Variants in TMEM273 observed in about 807,000 individuals in gnomAD.
The protein encoded by TMEM273 is chromosome 10 open reading frame 128.
Under a neutral mutation model 17.9 loss-of-function variants are expected in TMEM273, and 19 were observed. That is an observed-to-expected ratio of 1.06 (90% confidence interval 0.74 to 1.55). TMEM273 has a LOEUF of 1.55. Ranked by LOEUF, TMEM273 falls within the 40% of genes most tolerant of loss-of-function variation. The probability of loss-of-function intolerance (pLI) is 0.00; values close to 1 mark genes in which losing one functional copy is unlikely to be tolerated. For missense variants in TMEM273, 194 were observed against 155.6 expected (o/e 1.25, Z -1.31); for synonymous variants, 66 against 62.0 (o/e 1.07, Z -0.31).
chr10:49,163,933 C>T (rs530667303), intron 5 of TMEM273, among the ~76,000 whole-genome samples: 1 of 152,260 alleles, frequency 6.6e-6, no homozygotes, highest in African/African-American at 2.4e-5. Context: ...CACAATGCAC[C>T]ATGCGTTCAT....
Position 49,166,850 on chromosome 10 carries a change from C to A in TMEM273, c.238+19G>T. 2 of 1,612,748 alleles carry A rather than the reference C, an allele frequency of 1.2e-6. No homozygotes were observed. Among genetic ancestry groups the A allele is most frequent in the Admixed American group, 3.3e-5 (2 of 60,024 alleles). On this transcript the variant is annotated intron_variant, in intron 3 of 6. Coordinates refer to ENST00000374153, the MANE Select transcript of TMEM273 (RefSeq NM_001288740.3). The stretch of plus-strand genomic sequence containing the variant: ...TCGCTGGGTGGGGCAGAGCCAGGCC[C>A]GAGCACCACATCCCTCACCACTGAG...
intron 6 of TMEM273, among the ~76,000 whole-genome samples, chr10:49,157,139 C>A (rs1845559993): frequency 6.6e-6 from 1 of 152,106 alleles, no homozygotes; most frequent in Admixed American, 6.5e-5. Context: ...ATATCAATGC[C>A]CAGAGTAGAT....
At chr10:49,174,994 C>T (rs1590227949) in intron 1 of TMEM273, among the ~76,000 whole-genome samples, 2 of 152,060 alleles carry the variant, frequency 1.3e-5, no homozygotes, top group South Asian at 4.2e-4. Context: ...GTCACAGAAG[C>T]TCCCCCGGAG....
intron 1 of TMEM273, among the ~76,000 whole-genome samples, chr10:49,175,712 GC>G (rs961052157): frequency 5.9e-5 from 9 of 151,940 alleles, no homozygotes; most frequent in East Asian, 1.9e-4. Flanking sequence ...AGGGGGCAGG[GC>G]CCCCCCCACC....
At chr10:49,159,922 C>T (rs952790611) in intron 6 of TMEM273, among the ~76,000 whole-genome samples, 15 of 151,914 alleles carry the variant, frequency 9.9e-5, no homozygotes, top group Non-Finnish European at 1.5e-4. Context: ...AAATTTGCAA[C>T]AATTTGGGCT....
At chr10:49,170,821 G>T (rs1846514115) in intron 1 of TMEM273, among the ~76,000 whole-genome samples, 1 of 152,124 alleles carries the variant, frequency 6.6e-6, no homozygotes, top group African/African-American at 2.4e-5. Context: ...CAGCACAGCA[G>T]CCTGGCCGGC....
At chr10:49,167,989 G>T (rs963781163) in intron 1 of TMEM273, 27 bp from the exon 2 acceptor site, 11 of 1,613,620 alleles carry the variant, frequency 6.8e-6, no homozygotes, top group South Asian at 3.3e-5. Flanking sequence ...CCCAGAGCCT[G>T]GTTAGAACAG....
At chr10:49,156,342 G>A in intron 6 of TMEM273, 1 of 1,197,388 alleles carries the variant, frequency 8.4e-7, no homozygotes, top group South Asian at 1.3e-5. Context: ...CTGTTACAGA[G>A]GGTGAGACTT....
chr10:49,163,302 T>TGA (rs1177108160), intron 5 of TMEM273, among the ~76,000 whole-genome samples: 24 of 140,944 alleles, frequency 1.7e-4, no homozygotes, highest in African/African-American at 2.6e-4. Flanking sequence ...TGTGTGTGTG[T>TGA]GTGTGAGAGA....
chr10:49,156,056 T>C (rs1845486146), intron 6 of TMEM273, 147 bp from the exon 7 acceptor site: 1 of 1,555,124 alleles, frequency 6.4e-7, no homozygotes, highest in Non-Finnish European at 8.7e-7. Flanking sequence ...TTGTGCAACA[T>C]AGAAAGGAAC....
At chr10:49,185,443 T>C (rs57374856) in intron 1 of TMEM273, among the ~76,000 whole-genome samples, 1 of 151,956 alleles carries the variant, frequency 6.6e-6, no homozygotes, top group African/African-American at 2.4e-5. Context: ...CCTGGGTGAC[T>C]GGCCTGGTCA....
intron 6 of TMEM273, chr10:49,161,156 A>T: frequency 5.8e-6 from 1 of 172,222 alleles, no homozygotes; most frequent in Non-Finnish European, 1.2e-5. Context: ...CTCCACATAC[A>T]GGCTTCGTCC....
chr10:49,156,021 A>C, intron 6 of TMEM273, 112 bp from the exon 7 acceptor site: 1 of 1,593,358 alleles, frequency 6.3e-7, no homozygotes, highest in Non-Finnish European at 8.6e-7. Context: ...GCTCATCAGC[A>C]AAGCCTGCAA....
intron 6 of TMEM273, chr10:49,161,339 C>T (rs1590185261): frequency 1.8e-6 from 1 of 555,124 alleles, no homozygotes; most frequent in East Asian, 2.9e-5. Flanking sequence ...TTTACCTATC[C>T]TGTTAAAACC....
chr10:49,183,767 T>C (rs1184411889), intron 1 of TMEM273, among the ~76,000 whole-genome samples: 1 of 152,044 alleles, frequency 6.6e-6, no homozygotes, highest in Non-Finnish European at 1.5e-5. Context: ...AGGGTCCACG[T>C]GGGAGTGCTG....
In TMEM273 at chr10:49,173,182, T is replaced by A. The variant is rs151132180; in HGVS notation, c.44-5220A>T. On this transcript the variant is annotated intron_variant, in intron 1 of 6. Coordinates refer to ENST00000374153, the MANE Select transcript of TMEM273 (RefSeq NM_001288740.3). ...CTAAAGATGCTTTGAAGCTTCTGAA[T>A]CCAGCTGTGCCCGAAGCACTTCTCC... is the stretch of plus-strand genomic sequence containing the variant. Among the ~76,000 whole-genome samples the A allele has an allele frequency of 2.9e-3, 446 of 152,342 alleles. 7 individuals are homozygous for A. The highest frequency in any genetic ancestry group is 0.01 in the African/African-American group (431 of 41,572).
intron 5 of TMEM273, among the ~76,000 whole-genome samples, chr10:49,163,557 A>G (rs1231543016): frequency 6.6e-6 from 1 of 152,108 alleles, no homozygotes; most frequent in Non-Finnish European, 1.5e-5. Flanking sequence ...CACACCTATC[A>G]TCCTGGTGCA....
rs1005263916 is a variant in TMEM273, at chr10:49,167,024, G to A, written c.98-15C>T. ...GTACTTGAAATCTGAAACGCAGGGA[G>A]GAATTGAACACCCGGTTTCAGTCAC... On this transcript the variant is annotated splice_polypyrimidine_tract_variant and intron_variant, in intron 2 of 6. Coordinates refer to ENST00000374153, the MANE Select transcript of TMEM273 (RefSeq NM_001288740.3). The A allele has an allele frequency of 1.2e-6, 2 of 1,612,768 alleles. No individual in the cohort carries two copies. Among genetic ancestry groups the A allele is most frequent in the Non-Finnish European group, 1.7e-6 (2 of 1,179,188 alleles).
chr10:49,171,974 G>A (rs1443526266), intron 1 of TMEM273, among the ~76,000 whole-genome samples: 24 of 152,160 alleles, frequency 1.6e-4, no homozygotes, highest in Non-Finnish European at 7.3e-5. Flanking sequence ...CCCAGTTGTG[G>A]GCCAGTAGGC....
Sources: gnomAD v4.1 joint callset for allele counts (sites outside exome capture counted in the v4.1 genomes callset) on GRCh38, gnomAD v4.1.1 for gene constraint, MANE v1.5 for transcripts, NCBI Gene and HGNC (gene_info 2026-07-23, HGNC 2026-07-21) for gene names.